Variants in DAB1 observed in about 807,000 individuals in gnomAD.
The protein encoded by DAB1 is DAB adaptor protein 1, also known as disabled homolog 1.
Under a neutral mutation model 64.6 loss-of-function variants are expected in DAB1, and 15 were observed. That is an observed-to-expected ratio of 0.23 (90% confidence interval 0.16 to 0.36). The LOEUF (loss-of-function observed/expected upper bound fraction) is 0.36. DAB1 is among the 10% of genes least tolerant of loss of function. The pLI is 1.00. For synonymous variants in DAB1, 235 were observed against 251.9 expected, an observed-to-expected ratio of 0.93 and a Z score of 0.64; for missense variants, 596 against 706.7, an observed-to-expected ratio of 0.84 and a Z score of 1.78.
chr1:57,810,918 AGGACTATTTCCTTCT>A (rs1651588228), intron 6 of DAB1, among the ~76,000 whole-genome samples: 1 of 152,220 alleles, frequency 6.6e-6, no homozygotes, highest in Non-Finnish European at 1.5e-5. Context: ...TGGTGTTAGT[AGGACTATTTCCTTCT>A]GGAAGATCTA....
At chr1:57,263,636 A>G (rs777293936) in intron 2 of DAB1, among the ~76,000 whole-genome samples, 39 of 152,182 alleles carry the variant, frequency 2.6e-4, no homozygotes, top group Non-Finnish European at 4.6e-4. Flanking sequence ...TCTGAGTGCT[A>G]TGAGCCATTA....
At chr1:57,653,278 T>C (rs1646277479) in intron 6 of DAB1, among the ~76,000 whole-genome samples, 1 of 152,228 alleles carries the variant, frequency 6.6e-6, no homozygotes, top group Non-Finnish European at 1.5e-5. Flanking sequence ...TACATAGTTG[T>C]ATTCATAAAC....
At chr1:57,215,495 C>A (rs1484323510) in intron 2 of DAB1, among the ~76,000 whole-genome samples, 2 of 152,200 alleles carry the variant, frequency 1.3e-5, no homozygotes, top group Non-Finnish European at 2.9e-5. Flanking sequence ...CAACCAGAAA[C>A]TTTCTGAGCA....
At chr1:57,090,174 A>T (rs1343765602) in intron 4 of DAB1, among the ~76,000 whole-genome samples, 1 of 152,188 alleles carries the variant, frequency 6.6e-6, no homozygotes, top group African/African-American at 2.4e-5. Context: ...TTCAGAGTGA[A>T]GCTTATCAAA....
At chr1:57,094,108 C>CAAAAAAAAAAAAAAAAAAAAA in intron 4 of DAB1, among the ~76,000 whole-genome samples, 1 of 112,658 alleles carries the variant, frequency 8.9e-6, no homozygotes, top group Non-Finnish European at 1.8e-5. Flanking sequence ...GACTCTGCCT[C>CAAAAAAAAAAAAAAAAAAAAA]AAAAAAAAAA....
intron 7 of DAB1, among the ~76,000 whole-genome samples, chr1:57,453,649 A>G (rs1001383582): frequency 3.9e-5 from 6 of 152,186 alleles, no homozygotes; most frequent in African/African-American, 1.2e-4. Flanking sequence ...TAACAACAGA[A>G]ATTAATTTTC....
chr1:57,021,554 A>G (rs1209286053), intron 11 of DAB1, among the ~76,000 whole-genome samples: 2 of 152,144 alleles, frequency 1.3e-5, no homozygotes, highest in African/African-American at 4.8e-5. Context: ...ACCATGTAAG[A>G]CATTCCTTTG....
chr1:58,065,712 G>A (rs895987910), intron 5 of DAB1, among the ~76,000 whole-genome samples: 1 of 152,164 alleles, frequency 6.6e-6, no homozygotes, highest in Non-Finnish European at 1.5e-5. Context: ...AGGATGCGTG[G>A]TGATTTTGGA....
intron 4 of DAB1, among the ~76,000 whole-genome samples, chr1:58,206,449 A>C (rs777786293): frequency 1.3e-5 from 2 of 152,192 alleles, no homozygotes; most frequent in Non-Finnish European, 2.9e-5. Context: ...GGTTTGCCCT[A>C]AGCAGTTCCC....
chr1:57,029,187 C>G (rs1009876072), intron 9 of DAB1, among the ~76,000 whole-genome samples: 1 of 152,144 alleles, frequency 6.6e-6, no homozygotes, highest in Admixed American at 6.5e-5. Flanking sequence ...TGAAAGGGAC[C>G]AATGTACAGC....
chr1:58,508,804 T>C (rs549822851), intron 2 of DAB1, among the ~76,000 whole-genome samples: 21 of 151,974 alleles, frequency 1.4e-4, no homozygotes, highest in South Asian at 6.2e-4. Context: ...ATGAAATGAG[T>C]TGGAGAGAAA....
At chr1:57,975,390 G>A (rs1195791662) in intron 5 of DAB1, among the ~76,000 whole-genome samples, 1 of 152,152 alleles carries the variant, frequency 6.6e-6, no homozygotes, top group African/African-American at 2.4e-5. Context: ...GAACCCTGTG[G>A]GCATACAGAT....
chr1:57,937,526 C>A (rs1645043782), intron 5 of DAB1, among the ~76,000 whole-genome samples: 2 of 151,934 alleles, frequency 1.3e-5, no homozygotes, highest in South Asian at 2.1e-4. Flanking sequence ...GTGGGGATAC[C>A]AATAAGAGGC....
intron 3 of DAB1, among the ~76,000 whole-genome samples, chr1:58,421,721 C>G (rs1382336638): frequency 6.6e-6 from 1 of 152,094 alleles, no homozygotes; most frequent in Non-Finnish European, 1.5e-5. Context: ...GGGAGGGCAA[C>G]CTGGTGGAGA....
At chr1:57,361,376 T>G (rs995677497) in intron 1 of DAB1, among the ~76,000 whole-genome samples, 1 of 152,106 alleles carries the variant, frequency 6.6e-6, no homozygotes, top group Non-Finnish European at 1.5e-5. Context: ...TGACCACATA[T>G]GTATGTAACA....
chr1:57,421,697 C>T (rs183803483), intron 1 of DAB1, among the ~76,000 whole-genome samples: 88 of 152,084 alleles, frequency 5.8e-4, no homozygotes, highest in African/African-American at 2.0e-3. Context: ...GACATTTCTG[C>T]GAGTTCTTCA....
At chr1:57,316,227 T>C (rs527625815) in intron 1 of DAB1, among the ~76,000 whole-genome samples, 5 of 152,296 alleles carry the variant, frequency 3.3e-5, no homozygotes, top group African/African-American at 1.2e-4. Flanking sequence ...CATAATCCAA[T>C]TTACTGTGTA....
intron 6 of DAB1, among the ~76,000 whole-genome samples, chr1:57,756,392 G>A (rs912037864): frequency 6.6e-6 from 1 of 152,176 alleles, no homozygotes. Context: ...TGAAAGAGGT[G>A]ATTACTGACT....
At chr1:57,916,357 C>A (rs1165500075) in intron 5 of DAB1, among the ~76,000 whole-genome samples, 1 of 152,156 alleles carries the variant, frequency 6.6e-6, no homozygotes, top group Non-Finnish European at 1.5e-5. Flanking sequence ...TGAATCCATT[C>A]GAACATAGGC....
Sources: allele counts gnomAD v4.1 joint callset (sites outside exome capture counted in the v4.1 genomes callset), GRCh38; gene constraint gnomAD v4.1.1; transcripts MANE v1.5; gene names NCBI Gene and HGNC (gene_info 2026-07-23, HGNC 2026-07-21).